The following L3MBTL4 variants were observed in gnomAD, a reference collection of about 807,000 sequenced individuals.
The protein encoded by L3MBTL4 is lethal(3)malignant brain tumor-like protein 4.
In L3MBTL4, 70 loss-of-function variants were observed where a neutral mutation model predicts 84.5. The observed-to-expected ratio is 0.83, with a 90% CI of 0.68 to 1.01. L3MBTL4 has a LOEUF of 1.01. L3MBTL4 is among the 50% of genes least tolerant of loss of function. L3MBTL4 has a pLI of 0.00. For synonymous variants in L3MBTL4, 274 were observed against 259.8 expected, an observed-to-expected ratio of 1.05 and a Z score of -0.52; for missense variants, 715 against 754.8, an observed-to-expected ratio of 0.95 and a Z score of 0.62.
At chr18:6,080,993 T>C (rs1211854266) in intron 15 of L3MBTL4, 42 bp from the exon 16 acceptor site, 1 of 1,456,704 alleles carries the variant, frequency 6.9e-7, no homozygotes, top group East Asian at 2.3e-5. Context: ...CATTATCCTG[T>C]GAGGTAGGAA....
At chr18:6,045,345 G>C (rs2056568748) in intron 16 of L3MBTL4, among the ~76,000 whole-genome samples, 1 of 152,204 alleles carries the variant, frequency 6.6e-6, no homozygotes, top group Non-Finnish European at 1.5e-5. Flanking sequence ...TAAGGAATTT[G>C]TTGCATCTAG....
chr18:6,131,742 T>C (rs969330339), intron 14 of L3MBTL4, among the ~76,000 whole-genome samples: 3 of 152,150 alleles, frequency 2.0e-5, no homozygotes, highest in South Asian at 4.1e-4. Flanking sequence ...GGCATGCATG[T>C]GTGTGTGCGC....
intron 10 of L3MBTL4, among the ~76,000 whole-genome samples, chr18:6,225,578 G>C (rs2046746952): frequency 6.6e-6 from 1 of 152,018 alleles, no homozygotes; most frequent in Non-Finnish European, 1.5e-5. Context: ...TGGGAAACAT[G>C]GCAAAACACC....
At chr18:6,080,092 A>G (rs1041115803) in intron 16 of L3MBTL4, 1 of 152,490 alleles carries the variant, frequency 6.6e-6, no homozygotes, top group African/African-American at 2.4e-5. Flanking sequence ...TCTCTTAAGA[A>G]AAGTCCAATG....
chr18:6,263,874 A>T, intron 5 of L3MBTL4, 73 bp downstream of exon 5: 1 of 1,011,882 alleles, frequency 9.9e-7, no homozygotes, highest in Non-Finnish European at 1.6e-6. Flanking sequence ...GCTATCTAGG[A>T]AAGTCATTTC....
Position 6,185,959 on chromosome 18 carries a change from T to TCTTTATTTTATTTTA in L3MBTL4, c.982-14032_982-14018dup, listed in dbSNP as rs1491156992. Among the ~76,000 whole-genome samples the TCTTTATTTTATTTTA allele has an allele frequency of 4.4e-5, 6 of 134,910 alleles. 1 individual carries two copies. The highest frequency in any genetic ancestry group is 2.0e-4 in the African/African-American group (6 of 30,282). The allele number at this position is 134,910 out of a possible 152,430, so 88.5% of individuals were successfully genotyped here. On this transcript the variant is annotated intron_variant, in intron 12 of 18. Coordinates refer to ENST00000317931, the MANE Select transcript of L3MBTL4 (RefSeq NM_001330559.2). ...GAAGTGAAAACCAAAAAGGGCACTT[T>TCTTTATTTTATTTTA]CTTTATTTTATTTTATTTTATTTTA... is the stretch of plus-strand genomic sequence containing the variant.
intron 12 of L3MBTL4, among the ~76,000 whole-genome samples, chr18:6,184,118 T>A (rs11875649): frequency 0.076 from 11,582 of 152,266 alleles, 1,473 homozygotes; most frequent in African/African-American, 0.26. Context: ...ATGCATCATG[T>A]ACACTATTCA....
chr18:5,998,317 C>T (rs1008124902), intron 16 of L3MBTL4, among the ~76,000 whole-genome samples: 1 of 152,140 alleles, frequency 6.6e-6, no homozygotes, highest in Non-Finnish European at 1.5e-5. Context: ...AGGGAGAAGC[C>T]CCCTCCCCTG....
intron 16 of L3MBTL4, among the ~76,000 whole-genome samples, chr18:6,034,351 T>A (rs1342092633): frequency 6.6e-6 from 1 of 151,544 alleles, no homozygotes; most frequent in Non-Finnish European, 1.5e-5. Flanking sequence ...CCTGTGTCCA[T>A]GTGTTCTCAT....
intron 5 of L3MBTL4, among the ~76,000 whole-genome samples, chr18:6,257,353 A>G (rs1261580599): frequency 1.3e-5 from 2 of 152,142 alleles, no homozygotes; most frequent in Non-Finnish European, 2.9e-5. Context: ...GAGACAAAAT[A>G]CACCCACACG....
intron 14 of L3MBTL4, among the ~76,000 whole-genome samples, chr18:6,124,740 T>A (rs2059634408): frequency 6.6e-6 from 1 of 151,766 alleles, no homozygotes; most frequent in African/African-American, 2.4e-5. Flanking sequence ...ATAAAGGAAA[T>A]TAAGTAAAGA....
chr18:6,192,999 G>A (rs1236591079), intron 12 of L3MBTL4, among the ~76,000 whole-genome samples: 2 of 152,174 alleles, frequency 1.3e-5, no homozygotes, highest in East Asian at 3.9e-4. Context: ...TAGAGGCCCT[G>A]AGGGCTGCAG....
chr18:6,094,343 A>G (rs1023366983), intron 14 of L3MBTL4, among the ~76,000 whole-genome samples: 1 of 152,170 alleles, frequency 6.6e-6, no homozygotes, highest in African/African-American at 2.4e-5. Flanking sequence ...TCACTTGTAC[A>G]TTACCCTGGG....
At chr18:6,274,410 G>A (rs929471396) in intron 4 of L3MBTL4, among the ~76,000 whole-genome samples, 24 of 152,258 alleles carry the variant, frequency 1.6e-4, no homozygotes, top group Admixed American at 2.6e-4. Flanking sequence ...TCAGAATTCC[G>A]ACTACAGTCC....
At chr18:6,318,726 G>GA (rs2051252290) in intron 1 of L3MBTL4, among the ~76,000 whole-genome samples, 1 of 151,916 alleles carries the variant, frequency 6.6e-6, no homozygotes, top group Non-Finnish European at 1.5e-5. Flanking sequence ...AGCTCATCGA[G>GA]ACAGAAGGTC....
intron 16 of L3MBTL4, among the ~76,000 whole-genome samples, chr18:6,016,448 T>C (rs536629637): frequency 1.3e-5 from 2 of 152,332 alleles, no homozygotes; most frequent in East Asian, 1.9e-4. Flanking sequence ...CCTTTGATTG[T>C]TCCACAGGGA....
intron 1 of L3MBTL4, among the ~76,000 whole-genome samples, chr18:6,344,824 T>TA (rs56837287): frequency 0.15 from 22,870 of 150,630 alleles, 1,865 homozygotes; most frequent in African/African-American, 0.21. Flanking sequence ...TTTTCATGAT[T>TA]AAAAAAAAAC....
chr18:6,051,520 C>T (rs1321712005), intron 16 of L3MBTL4, among the ~76,000 whole-genome samples: 2 of 150,510 alleles, frequency 1.3e-5, no homozygotes, highest in African/African-American at 2.5e-5. Flanking sequence ...GCCTGGGCGG[C>T]GCAGCAAGGC....
chr18:6,220,441 A>AGATAT (rs1247832569), intron 10 of L3MBTL4, among the ~76,000 whole-genome samples: 1 of 152,072 alleles, frequency 6.6e-6, no homozygotes, highest in Non-Finnish European at 1.5e-5. Context: ...TATCCTCCAG[A>AGATAT]CTTGTCACCT....
Sources: gnomAD v4.1 joint callset for allele counts (sites outside exome capture counted in the v4.1 genomes callset) on GRCh38, gnomAD v4.1.1 for gene constraint, MANE v1.5 for transcripts, NCBI Gene and HGNC (gene_info 2026-07-23, HGNC 2026-07-21) for gene names.